Variants in RAB28 observed in about 807,000 individuals in gnomAD.
The protein encoded by RAB28 is ras-related protein Rab-28.
A neutral mutation model predicts 31.7 loss-of-function variants in RAB28; 24 were observed. That is an observed-to-expected ratio of 0.76 (90% confidence interval 0.55 to 1.06). RAB28 has a LOEUF of 1.06. RAB28 is among the 50% of genes least tolerant of loss of function. RAB28 has a pLI of 0.00. For synonymous variants in RAB28, 100 were observed against 90.4 expected (o/e 1.11, Z -0.60); for missense variants, 254 against 258.5 (o/e 0.98, Z 0.12).
intron 4 of RAB28, among the ~76,000 whole-genome samples, chr4:13,389,555 G>A (rs1010446952): frequency 6.6e-6 from 1 of 152,022 alleles, no homozygotes; most frequent in African/African-American, 2.4e-5. Context: ...TTATACAAAA[G>A]TAAATAGTAT....
chr4:13,391,606 G>A (rs890065648), intron 4 of RAB28, among the ~76,000 whole-genome samples: 1 of 152,064 alleles, frequency 6.6e-6, no homozygotes, highest in Non-Finnish European at 1.5e-5. Context: ...ATATGCACAC[G>A]TATGTTTATT....
intron 4 of RAB28, among the ~76,000 whole-genome samples, chr4:13,423,632 C>A (rs1161338450): frequency 2.6e-5 from 4 of 152,174 alleles, no homozygotes; most frequent in African/African-American, 9.7e-5. Context: ...TTCTACACTA[C>A]AATGGGACAG....
At chr4:13,448,489 C>T (rs1239595196) in intron 4 of RAB28, among the ~76,000 whole-genome samples, 1 of 151,968 alleles carries the variant, frequency 6.6e-6, no homozygotes, top group Non-Finnish European at 1.5e-5. Context: ...ATTGCTTAGA[C>T]AAAGTAAATT....
At chr4:13,472,059 T>C (rs1716146806) in intron 3 of RAB28, among the ~76,000 whole-genome samples, 1 of 152,084 alleles carries the variant, frequency 6.6e-6, no homozygotes, top group African/African-American at 2.4e-5. Flanking sequence ...TGTAATAACA[T>C]AAAATATATA....
intron 4 of RAB28, among the ~76,000 whole-genome samples, chr4:13,442,400 C>T (rs1183841949): frequency 2.0e-5 from 3 of 149,988 alleles, no homozygotes; most frequent in Non-Finnish European, 4.4e-5. Context: ...GATAAAAATT[C>T]ATGGCAATAG....
At chr4:13,406,782 G>A (rs1262402955) in intron 4 of RAB28, among the ~76,000 whole-genome samples, 1 of 152,158 alleles carries the variant, frequency 6.6e-6, no homozygotes, top group Non-Finnish European at 1.5e-5. Flanking sequence ...TATAACTATT[G>A]GCTGCATAAA....
rs148380691 is a variant in RAB28 at position 13,431,900 on chromosome 4, C to T, written c.391+28799G>A. Among the ~76,000 whole-genome samples, 91 of 151,960 alleles carry T rather than the reference C, an allele frequency of 6.0e-4. 1 individual carries two copies. The highest frequency in any genetic ancestry group is 1.9e-3 in the African/African-American group (77 of 41,480). Reference sequence around the variant, plus strand: ...AGTAGAAAAAGGCAGAGTGTTTTGACACCTCCAAAGAACAGTACTACCTCT... The same window carrying T: ...AGTAGAAAAAGGCAGAGTGTTTTGATACCTCCAAAGAACAGTACTACCTCT... On this transcript the variant is annotated intron_variant, in intron 4 of 6. Coordinates refer to ENST00000330852, the MANE Select transcript of RAB28 (RefSeq NM_001017979.3).
intron 4 of RAB28, among the ~76,000 whole-genome samples, chr4:13,406,658 C>T (rs1350859100): frequency 2.0e-5 from 3 of 152,206 alleles, no homozygotes; most frequent in African/African-American, 4.8e-5. Flanking sequence ...TCCTCTCCAG[C>T]ATCTGTTGTT....
At chr4:13,451,408 T>G (rs1714960534) in intron 4 of RAB28, among the ~76,000 whole-genome samples, 1 of 150,992 alleles carries the variant, frequency 6.6e-6, no homozygotes, top group Non-Finnish European at 1.5e-5. Context: ...TTTTTTTTTT[T>G]TTGGTTTTTG....
At chr4:13,388,347 A>G (rs1449737122) in intron 4 of RAB28, among the ~76,000 whole-genome samples, 1 of 152,048 alleles carries the variant, frequency 6.6e-6, no homozygotes, top group Non-Finnish European at 1.5e-5. Context: ...CCTTTATCTT[A>G]CACCACACAC....
chr4:13,444,059 G>A (rs1340119189), intron 4 of RAB28, among the ~76,000 whole-genome samples: 2 of 146,250 alleles, frequency 1.4e-5, no homozygotes, highest in South Asian at 2.1e-4. Flanking sequence ...ACGGAGTCTC[G>A]CTGTGTCACC....
At chr4:13,430,775 A>G (rs560133754) in intron 4 of RAB28, among the ~76,000 whole-genome samples, 58 of 152,222 alleles carry the variant, frequency 3.8e-4, no homozygotes, top group African/African-American at 1.3e-3. Flanking sequence ...AGCACAGGAG[A>G]CCAGAAGCTC....
chr4:13,400,544 T>G (rs1363007783), intron 4 of RAB28, among the ~76,000 whole-genome samples: 2 of 152,254 alleles, frequency 1.3e-5, no homozygotes, highest in South Asian at 2.1e-4. Flanking sequence ...TTTGTATGTT[T>G]TATATACCTT....
intron 4 of RAB28, among the ~76,000 whole-genome samples, chr4:13,432,735 A>G (rs1420612594): frequency 6.6e-6 from 1 of 152,212 alleles, no homozygotes; most frequent in African/African-American, 2.4e-5. Flanking sequence ...ACAAGTAAAC[A>G]CTAAGACAAT....
intron 3 of RAB28, 122 bp from the exon 4 acceptor site, chr4:13,460,950 T>A (rs1228806517): frequency 1.1e-6 from 1 of 895,264 alleles, no homozygotes; most frequent in African/African-American, 1.7e-5. Flanking sequence ...TGTAGTGTTT[T>A]ATATATAAAC....
intron 4 of RAB28, among the ~76,000 whole-genome samples, chr4:13,389,628 T>G (rs1385915635): frequency 6.6e-6 from 1 of 152,148 alleles, no homozygotes; most frequent in African/African-American, 2.4e-5. Flanking sequence ...CAATCCTATT[T>G]CATCCATACC....
chr4:13,456,215 G>C (rs1715292430), intron 4 of RAB28, among the ~76,000 whole-genome samples: 1 of 152,144 alleles, frequency 6.6e-6, no homozygotes, highest in South Asian at 2.1e-4. Context: ...ATCAATCTCT[G>C]GTGGGGTGGG....
intron 4 of RAB28, among the ~76,000 whole-genome samples, chr4:13,398,647 G>A (rs560664858): frequency 9.9e-5 from 15 of 152,046 alleles, no homozygotes; most frequent in Non-Finnish European, 7.4e-5. Flanking sequence ...GCATGATGGC[G>A]GGCGCCTGTA....
At chr4:13,478,120 G>GT (rs1716449218) in intron 2 of RAB28, among the ~76,000 whole-genome samples, 1 of 151,518 alleles carries the variant, frequency 6.6e-6, no homozygotes, top group East Asian at 1.9e-4. Context: ...TCCAGCATCT[G>GT]TATTATGTGA....
Sources: allele counts gnomAD v4.1 joint callset (sites outside exome capture counted in the v4.1 genomes callset), GRCh38; gene constraint gnomAD v4.1.1; transcripts MANE v1.5; gene names NCBI Gene and HGNC (gene_info 2026-07-23, HGNC 2026-07-21).